TRAF3IP2: variants seen among roughly 807,000 people sequenced by gnomAD.
The protein encoded by TRAF3IP2 is TRAF3 interacting protein 2.
In TRAF3IP2, 35 loss-of-function variants were observed where a neutral mutation model predicts 57.9. That is an observed-to-expected ratio of 0.60 (90% confidence interval 0.46 to 0.80). TRAF3IP2 has a LOEUF of 0.80. Ranked by LOEUF, TRAF3IP2 falls within the 30% of genes least tolerant of loss-of-function variation. TRAF3IP2 has a pLI of 0.00. For synonymous variants in TRAF3IP2, 251 were observed against 268.9 expected, an observed-to-expected ratio of 0.93 and a Z score of 0.65; for missense variants, 556 against 706.4, an observed-to-expected ratio of 0.79 and a Z score of 2.41.
intron 2 of TRAF3IP2, among the ~76,000 whole-genome samples, chr6:111,589,114 G>A (rs1465603213): frequency 1.6e-5 from 2 of 125,000 alleles, no homozygotes; most frequent in East Asian, 2.2e-4. Context: ...CTGTGTCATC[G>A]CCCAGGTGCA....
At chr6:111,601,403 G>A in intron 1 of TRAF3IP2, 1 of 490,120 alleles carries the variant, frequency 2.0e-6, no homozygotes, top group East Asian at 3.1e-5. Context: ...CTGGTTGACA[G>A]AGCACCAACA....
rs202017925 is a variant in TRAF3IP2, at chr6:111,596,463, G to GT, written c.-8-4370dup. Among the ~76,000 whole-genome samples the GT allele has an allele frequency of 6.5e-3, 982 of 151,892 alleles. 15 individuals carry two copies. Among genetic ancestry groups the GT allele is most frequent in the African/African-American group, 0.023 (945 of 41,444 alleles). On this transcript the variant is annotated intron_variant, in intron 1 of 8. Transcript: ENST00000368761. ...GCACGCCATCATGCCTAATTTTTCT[G>GT]TTTTTTCTGAGACGGAGTCTTGCTC...
At chr6:111,596,024 C>A (rs531064320) in intron 1 of TRAF3IP2, among the ~76,000 whole-genome samples, 2 of 152,202 alleles carry the variant, frequency 1.3e-5, no homozygotes, top group African/African-American at 4.8e-5. Context: ...ACCCTTCCCC[C>A]ACACAGCTGC....
At position 111,598,050 on chromosome 6, in the gene TRAF3IP2, C is replaced by T. The variant is rs189703379; in HGVS notation, c.-8-5956G>A. ...CCCTGGGTCATCTCAGGCTCATCAG[C>T]AAATCCTGGGGGGAGAGCGGGGCTG... is the stretch of plus-strand genomic sequence containing the variant. On this transcript the variant is annotated intron_variant, in intron 1 of 8. Coordinates refer to ENST00000368761, the MANE Select transcript of TRAF3IP2 (RefSeq NM_147686.4). 1.3e-3 allele frequency: 496 copies of T among 378,114 alleles called. 4 individuals are homozygous for T. Among genetic ancestry groups the T allele is most frequent in the African/African-American group, 9.7e-3 (460 of 47,284 alleles). 23.4% of individuals were successfully genotyped at this position (378,114 alleles called of 1,614,324 possible).
intron 2 of TRAF3IP2, among the ~76,000 whole-genome samples, chr6:111,584,926 A>G (rs1583234094): frequency 6.6e-6 from 1 of 152,190 alleles, no homozygotes; most frequent in Non-Finnish European, 1.5e-5. Context: ...ATTCCTCACC[A>G]TGGCCCATCC....
In TRAF3IP2 at chr6:111,592,006, G is replaced by A. The variant is rs760942046; in HGVS notation, c.81C>T (p.Ser27=). Residue 27 remains serine (S), a synonymous_variant, in exon 2 of 9, where the codon TCC becomes TCT. Transcript: ENST00000368761. The part of the protein sequence containing the change: ...SQLLKPIPEY[S]PEEESEPPAP... Reference sequence around the variant, plus strand: ...CAGGTGGTTCTGATTCCTCTTCCGGGGAATATTCTGGGATTGGTTTCAGCA... The same window carrying A: ...CAGGTGGTTCTGATTCCTCTTCCGGAGAATATTCTGGGATTGGTTTCAGCA... The A allele has an allele frequency of 1.2e-6, 2 of 1,614,156 alleles. No individual in the cohort carries two copies. Among genetic ancestry groups the A allele is most frequent in the Non-Finnish European group, 1.7e-6 (2 of 1,180,020 alleles).
At chr6:111,570,797 C>T (rs1257681862) in intron 5 of TRAF3IP2, among the ~76,000 whole-genome samples, 1 of 152,134 alleles carries the variant, frequency 6.6e-6, no homozygotes, top group East Asian at 1.9e-4. Flanking sequence ...AACTCCTGGG[C>T]TCAAGTGATC....
At chr6:111,601,280 C>T (rs1796855479) in intron 1 of TRAF3IP2, 9 of 736,812 alleles carry the variant, frequency 1.2e-5, no homozygotes, top group East Asian at 5.0e-5. Flanking sequence ...CTTTCCTTCA[C>T]GCCATCACAA....
At chr6:111,588,415 G>A (rs1351781554) in intron 2 of TRAF3IP2, among the ~76,000 whole-genome samples, 1 of 152,218 alleles carries the variant, frequency 6.6e-6, no homozygotes, top group Non-Finnish European at 1.5e-5. Flanking sequence ...TTCCCAGTCA[G>A]GAGTGTTTGC....
At chr6:111,562,217 G>A (rs952566074) in intron 8 of TRAF3IP2, among the ~76,000 whole-genome samples, 3 of 152,054 alleles carry the variant, frequency 2.0e-5, no homozygotes, top group Non-Finnish European at 2.9e-5. Flanking sequence ...TATGAATCAC[G>A]GCAAAGTTCA....
At chr6:111,602,297 C>A (rs1023388786) in intron 1 of TRAF3IP2, 2 of 147,528 alleles carry the variant, frequency 1.4e-5, no homozygotes, top group Admixed American at 1.3e-4. Flanking sequence ...AACCTCAAAC[C>A]AGCCCATGTT....
rs1796271062 is a variant in TRAF3IP2 at position 111,584,534 on chromosome 6, C to T, written c.830-4145G>A. The stretch of plus-strand genomic sequence containing the variant: ...AAAAGGTTCCTAAATAGGCTGGACA[C>T]GCCTGTAATCCTAGCACTTTGGGAG... On this transcript the variant is annotated intron_variant, in intron 2 of 8. Coordinates refer to ENST00000368761, the MANE Select transcript of TRAF3IP2 (RefSeq NM_147686.4). 2.0e-5 allele frequency among the ~76,000 whole-genome samples: 3 copies of T among 151,882 alleles called. 1 individual carries two copies. The highest frequency in any genetic ancestry group is 4.1e-4 in the South Asian group (2 of 4,826).
chr6:111,604,984 G>C (rs1244767483), intron 1 of TRAF3IP2, among the ~76,000 whole-genome samples: 1 of 152,064 alleles, frequency 6.6e-6, no homozygotes, highest in Admixed American at 6.6e-5. Context: ...GCTTAGTGGA[G>C]TCAGAGTGAA....
intron 3 of TRAF3IP2, among the ~76,000 whole-genome samples, chr6:111,577,591 A>G (rs1222250545): frequency 6.6e-6 from 1 of 151,594 alleles, no homozygotes; most frequent in Non-Finnish European, 1.5e-5. Flanking sequence ...GGATTTCGCC[A>G]TGTTGCCCAA....
At chr6:111,573,597 CTTGAA>C (rs55997699) in intron 4 of TRAF3IP2, 58,032 of 152,066 alleles carry the variant, frequency 0.38, 12,356 homozygotes, top group East Asian at 0.5. Context: ...ACTTCAGCAG[CTTGAA>C]GAAGAGACAC....
rs1795694708 is a variant in TRAF3IP2, at chr6:111,567,633, G to A, written c.1350C>T (p.Tyr450=). The A allele has an allele frequency of 1.9e-6, 3 of 1,609,946 alleles. No individual in the cohort carries two copies. The highest frequency in any genetic ancestry group is 2.5e-6 in the Non-Finnish European group (3 of 1,178,372). The change falls in exon 6 of 9, where the codon TAC becomes TAT. Residue 450 remains tyrosine (Y), a synonymous_variant. Transcript: ENST00000368761. ...GIDIIKWMER[Y]LRDKTVMIIV... is the part of the protein sequence containing the mutation. ...TTTGGAATGTACTTACATCCCTAAG[G>A]TAGCGCTCCATCCATTTAATGATAT...
At chr6:111,583,507 T>A (rs1433473364) in intron 2 of TRAF3IP2, among the ~76,000 whole-genome samples, 2 of 152,022 alleles carry the variant, frequency 1.3e-5, no homozygotes, top group Non-Finnish European at 2.9e-5. Context: ...CTCACAGGAG[T>A]GCAAACCCTA....
At chr6:111,561,974 C>T (rs916847006) in intron 8 of TRAF3IP2, among the ~76,000 whole-genome samples, 2 of 152,158 alleles carry the variant, frequency 1.3e-5, no homozygotes, top group Admixed American at 6.6e-5. Flanking sequence ...TGAGGTGTCC[C>T]GTTCCCATAA....
chr6:111,589,955 T>C (rs1008843150), intron 2 of TRAF3IP2, among the ~76,000 whole-genome samples: 16 of 152,342 alleles, frequency 1.1e-4, no homozygotes, highest in African/African-American at 3.1e-4. Context: ...TCTTACACTC[T>C]GAACTACTTT....
Sources: allele counts gnomAD v4.1 joint callset (sites outside exome capture counted in the v4.1 genomes callset), GRCh38; gene constraint gnomAD v4.1.1; transcripts MANE v1.5; gene names NCBI Gene and HGNC (gene_info 2026-07-23, HGNC 2026-07-21).